Variants in USP3 observed in about 807,000 individuals in gnomAD.
USP3 encodes ubiquitin carboxyl-terminal hydrolase 3.
Under a neutral mutation model 72.3 loss-of-function variants are expected in USP3, and 20 were observed. The observed-to-expected ratio is 0.28, with a 90% confidence interval of 0.19 to 0.40. The LOEUF (loss-of-function observed/expected upper bound fraction) is 0.40, where lower values mean the gene tolerates loss of function less well. Ranked by LOEUF, USP3 falls within the 10% of genes least tolerant of loss-of-function variation. The pLI is 1.00. For missense variants in USP3, 479 were observed against 633.9 expected (o/e 0.76, Z 2.62); for synonymous variants, 222 against 225.3 (o/e 0.99, Z 0.13).
intron 7 of USP3, 101 bp downstream of exon 7, chr15:63,560,071 T>TA (rs1029884144): frequency 1.3e-4 from 117 of 935,058 alleles, no homozygotes; most frequent in East Asian, 1.5e-4. Context: ...GCACATGCCT[T>TA]AAAAAAAATC....
intron 6 of USP3, among the ~76,000 whole-genome samples, chr15:63,558,502 G>T (rs369232756): frequency 8.5e-5 from 13 of 152,184 alleles, no homozygotes; most frequent in East Asian, 5.8e-4. Context: ...TCTGTGAAAG[G>T]CCTGATAGTA....
chr15:63,552,665 G>C (rs1381697521), intron 3 of USP3, among the ~76,000 whole-genome samples: 2 of 152,064 alleles, frequency 1.3e-5, no homozygotes, highest in Non-Finnish European at 2.9e-5. Flanking sequence ...TCATTTCTCT[G>C]AATAAAAGAC....
rs1555398638 is a variant in USP3 at position 63,591,908 on chromosome 15, C to CGTT, written c.*1083_*1085dup. 6.6e-6 allele frequency: 1 copy of CGTT among 152,100 alleles called. No individual in the cohort carries two copies. The highest frequency in any genetic ancestry group is 1.5e-5 in the Non-Finnish European group (1 of 68,094). 9.4% of individuals were successfully genotyped at this position (152,100 alleles called of 1,614,324 possible). ...TGTTGGAGTAAGTAAGTGGAGTTTT[C>CGTT]GTTTTGTTTTTTGGGGGTTTTTGGA... On this transcript the variant is annotated 3_prime_UTR_variant, in exon 15 of 15. Coordinates refer to ENST00000380324, the MANE Select transcript of USP3 (RefSeq NM_006537.4).
rs1327204204 is a variant in USP3, at chr15:63,592,381, CAT to C, written c.*1557_*1558del. On this transcript the variant is annotated 3_prime_UTR_variant, in exon 15 of 15. Coordinates refer to ENST00000380324, the MANE Select transcript of USP3 (RefSeq NM_006537.4). ...GTTGGGGGCGGTGGGGGTTGGTAGA[CAT>C]AGCCTACCAATTCTCCACAAGGGAC... 2.0e-4 allele frequency: 29 copies of C among 148,400 alleles called. No homozygotes were observed. The highest frequency in any genetic ancestry group is 1.9e-3 in the Admixed American group (28 of 14,880). The allele number at this position is 148,400 out of a possible 1,614,324, so 9.2% of individuals were successfully genotyped here. A position where few individuals can be genotyped will look rare whatever the true frequency, so the allele number is the denominator to read the frequency against.
rs2152669837 is a variant in USP3, at chr15:63,553,537, A to T, written c.285-178A>T. The stretch of plus-strand genomic sequence containing the variant: ...CATGTTCATTGCCTACGTGGCTTTT[A>T]AAAAAGACTCTTGAAAAACATTCCA... On this transcript the variant is annotated intron_variant, in intron 3 of 14. Coordinates refer to ENST00000380324, the MANE Select transcript of USP3 (RefSeq NM_006537.4). The surrounding 1 kb of genome is among the most constrained non-coding windows in gnomAD (Gnocchi z 4.2). 4.3e-6 allele frequency: 2 copies of T among 466,272 alleles called. No individual in the cohort carries two copies. The highest frequency in any genetic ancestry group is 3.6e-5 in the East Asian group (1 of 27,970). The allele number at this position is 466,272 out of a possible 1,614,324, so 28.9% of individuals were successfully genotyped here.
At chr15:63,548,849 A>T (rs1028766781) in intron 3 of USP3, among the ~76,000 whole-genome samples, 40 of 152,122 alleles carry the variant, frequency 2.6e-4, no homozygotes, top group Admixed American at 2.0e-3. Flanking sequence ...ACATGCCACC[A>T]CGCCCGACTA....
rs148380890 is a variant in USP3, at chr15:63,517,509, A to G, written c.91+12679A>G. On this transcript the variant is annotated intron_variant, in intron 1 of 14. Transcript: ENST00000380324. The stretch of plus-strand genomic sequence containing the variant: ...GTCTTTGTCTTTTCATATAACAGTG[A>G]ACTTTTTCATGTAAAAAGCTTTGTA... Among the ~76,000 whole-genome samples the G allele has an allele frequency of 2.0e-5, 3 of 152,262 alleles. No homozygotes were observed. The East Asian group carries it at 5.8e-4, about 29-fold the overall frequency.
At chr15:63,582,258 C>T (rs1238321143) in intron 11 of USP3, among the ~76,000 whole-genome samples, 1 of 152,132 alleles carries the variant, frequency 6.6e-6, no homozygotes, top group Non-Finnish European at 1.5e-5. Flanking sequence ...TTTTAAAACC[C>T]ATGAAGAGAT....
Position 63,590,872 on chromosome 15 carries a change from T to G in USP3, c.*46T>G. On this transcript the variant is annotated 3_prime_UTR_variant, in exon 15 of 15. Transcript: ENST00000380324. Reference sequence around the variant, plus strand: ...TCACCAACCATACCAGAGAAACATTTCCAGTTTTCCACAAATACTTGATAC... The same window carrying G: ...TCACCAACCATACCAGAGAAACATTGCCAGTTTTCCACAAATACTTGATAC... 1 of 1,527,596 alleles carries G rather than the reference T, an allele frequency of 6.5e-7. No individual in the cohort carries two copies. The highest frequency in any genetic ancestry group is 2.4e-5 in the East Asian group (1 of 42,282). The allele number at this position is 1,527,596 out of a possible 1,614,324, so 94.6% of individuals were successfully genotyped here. A position where few individuals can be genotyped will look rare whatever the true frequency, so the allele number is the denominator to read the frequency against.
intron 3 of USP3, among the ~76,000 whole-genome samples, chr15:63,546,560 T>G (rs1436179986): frequency 6.6e-6 from 1 of 152,134 alleles, no homozygotes; most frequent in African/African-American, 2.4e-5. Flanking sequence ...CAAGAAAAGA[T>G]TTTTAGAACT....
chr15:63,550,577 G>A (rs2066422472), intron 3 of USP3, among the ~76,000 whole-genome samples: 1 of 152,098 alleles, frequency 6.6e-6, no homozygotes, highest in African/African-American at 2.4e-5. Flanking sequence ...AAATTTGAAG[G>A]TCATTTGAGA....
At chr15:63,589,087 C>A (rs1199033188) in intron 14 of USP3, 76 bp downstream of exon 14, 2 of 1,500,836 alleles carry the variant, frequency 1.3e-6, no homozygotes, top group East Asian at 4.5e-5. Context: ...TTGTACCACT[C>A]TTGCTAGTTC....
intron 1 of USP3, chr15:63,527,813 C>T (rs2066007510): frequency 6.6e-6 from 1 of 152,224 alleles, no homozygotes; most frequent in African/African-American, 2.4e-5. Context: ...CCACTTTTGG[C>T]CTCTAGGTCA....
chr15:63,586,805 T>C (rs1226192301), intron 11 of USP3: 1 of 152,212 alleles, frequency 6.6e-6, no homozygotes, highest in Non-Finnish European at 1.5e-5. Flanking sequence ...AATGGTTAAC[T>C]GTCCACTGGA....
At position 63,589,243 on chromosome 15, in the gene USP3, G is replaced by A. The variant is rs193076259; in HGVS notation, c.1397+232G>A. On this transcript the variant is annotated intron_variant, in intron 14 of 14. Transcript: ENST00000380324. ...TGGTTCATTTGAACCCAGTATTTAC[G>A]ACCCAGTCTTTATTTGTCCACAAAC... The A allele has an allele frequency of 2.2e-3, 1,246 of 555,882 alleles. 1 individual carries two copies. The highest frequency in any genetic ancestry group is 3.2e-3 in the Non-Finnish European group (1,004 of 315,974). 34.4% of individuals were successfully genotyped at this position (555,882 alleles called of 1,614,324 possible). A position where few individuals can be genotyped will look rare whatever the true frequency, so the allele number is the denominator to read the frequency against.
At chr15:63,564,698 G>A (rs967957889) in intron 8 of USP3, among the ~76,000 whole-genome samples, 1 of 152,196 alleles carries the variant, frequency 6.6e-6, no homozygotes, top group Non-Finnish European at 1.5e-5. Context: ...AGCATGTGGA[G>A]TCTCTGGGGA....
Position 63,528,517 on chromosome 15 carries a change from A to G in USP3, c.92-4130A>G, listed in dbSNP as rs2066018809. On this transcript the variant is annotated intron_variant, in intron 1 of 14. Transcript: ENST00000380324. This position sits in a 1 kb window ranked among gnomAD's most constrained non-coding sequence, Gnocchi z 4.3. Reference sequence around the variant, plus strand: ...GTTTAACATTTTTATGTTTTGCTAAATAGATACTATATTCAGAGCCTAAAA... The same window carrying G: ...GTTTAACATTTTTATGTTTTGCTAAGTAGATACTATATTCAGAGCCTAAAA... Among the ~76,000 whole-genome samples, 1 of 152,154 alleles carries G rather than the reference A, an allele frequency of 6.6e-6. No individual in the cohort carries two copies. The highest frequency in any genetic ancestry group is 6.5e-5 in the Admixed American group (1 of 15,288).
At chr15:63,507,021 G>A (rs759863468) in intron 1 of USP3, among the ~76,000 whole-genome samples, 1 of 152,282 alleles carries the variant, frequency 6.6e-6, no homozygotes, top group African/African-American at 2.4e-5. Flanking sequence ...TGATGAATCT[G>A]TGAGTCCTTA....
At chr15:63,552,533 C>T (rs1273307275) in intron 3 of USP3, among the ~76,000 whole-genome samples, 1 of 152,046 alleles carries the variant, frequency 6.6e-6, no homozygotes, top group African/African-American at 2.4e-5. Flanking sequence ...TTTAGACGCT[C>T]GGAGAATATG....
Sources: gnomAD v4.1 joint callset for allele counts (sites outside exome capture counted in the v4.1 genomes callset) on GRCh38, gnomAD v4.1.1 for gene constraint, Gnocchi (gnomAD v3.1) non-coding constraint, MANE v1.5 for transcripts, NCBI Gene and HGNC (gene_info 2026-07-23, HGNC 2026-07-21) for gene names.